Variants in CD163L1 observed in about 807,000 individuals in gnomAD.
CD163L1 encodes the protein CD163 molecule like 1, also known as scavenger receptor cysteine-rich type 1 protein M160.
In CD163L1, 124 loss-of-function variants were observed where a neutral mutation model predicts 165.4. That is an observed-to-expected ratio of 0.75 (90% confidence interval 0.65 to 0.87). The LOEUF is 0.87. Among genes scored for constraint, CD163L1 ranks in the 40% least tolerant of loss-of-function variants. The pLI is 0.00. For missense variants in CD163L1, 1,525 were observed against 1,799.9 expected (o/e 0.85, Z 2.76); for synonymous variants, 585 against 662.2 (o/e 0.88, Z 1.79).
chr12:7,439,785 C>T (rs1948789593), intron 2 of CD163L1: 1 of 1,613,862 alleles, frequency 6.2e-7, no homozygotes, highest in Non-Finnish European at 8.5e-7. Flanking sequence ...CCCCCTCGAT[C>T]TTTATGTCCA....
intron 4 of CD163L1, among the ~76,000 whole-genome samples, chr12:7,424,968 A>T (rs1948515245): frequency 6.6e-6 from 1 of 152,212 alleles, no homozygotes; most frequent in Non-Finnish European, 1.5e-5. Flanking sequence ...CTTTCTTTAC[A>T]GAACTAGAAA....
chr12:7,426,255 C>T (rs142926186), intron 4 of CD163L1, among the ~76,000 whole-genome samples: 177 of 152,056 alleles, frequency 1.2e-3, no homozygotes, highest in African/African-American at 3.6e-3. Context: ...AACAGATGAA[C>T]GCACAGAGGG....
At chr12:7,440,226 C>T (rs1024762127) in intron 2 of CD163L1, among the ~76,000 whole-genome samples, 3 of 152,082 alleles carry the variant, frequency 2.0e-5, no homozygotes, top group African/African-American at 7.2e-5. Context: ...GGCCGGCCCT[C>T]CGCGCAGGCA....
intron 4 of CD163L1, among the ~76,000 whole-genome samples, chr12:7,430,753 G>T (rs1948614379): frequency 6.6e-6 from 1 of 152,014 alleles, no homozygotes; most frequent in South Asian, 2.1e-4. Flanking sequence ...GATGTTAATG[G>T]ATAACCAAAT....
chr12:7,350,201 C>T (rs758562961), downstream of CD163L1, among the ~76,000 whole-genome samples: 2 of 152,274 alleles, frequency 1.3e-5, no homozygotes, highest in East Asian at 1.9e-4. Context: ...GTTCCAGAAG[C>T]TGGGTTGTAG....
intron 8 of CD163L1, among the ~76,000 whole-genome samples, chr12:7,389,217 C>T (rs1326506531): frequency 2.0e-5 from 3 of 152,218 alleles, no homozygotes. Context: ...TTTACATTCT[C>T]ACCAACAGTG....
chr12:7,427,374 T>C (rs754643388), intron 4 of CD163L1, among the ~76,000 whole-genome samples: 87 of 152,262 alleles, frequency 5.7e-4, no homozygotes, highest in Middle Eastern at 3.4e-3. Flanking sequence ...AGATATCCCA[T>C]GTTTATGGAT....
In CD163L1 at chr12:7,403,757, G is replaced by T. The variant is rs768276853; in HGVS notation, c.1186C>A (p.Gln396Lys). 1.2e-6 allele frequency: 2 copies of T among 1,613,804 alleles called. No individual in the cohort carries two copies. The highest frequency in any genetic ancestry group is 2.7e-5 in the African/African-American group (2 of 74,942). The change falls in exon 6 of 20, where the codon CAG (glutamine) becomes AAG (lysine). Residue 396 changes from glutamine (Q) to lysine (K), a missense_variant. By Grantham distance (53) the Gln-to-Lys change is moderately conservative. Coordinates refer to ENST00000313599, the MANE Select transcript of CD163L1 (RefSeq NM_174941.6). ...AGGGCTTGTTCATTCTTCCAGTTCT[G>T]GTCACATATTGTCCACCACTGTTCA... ...IHEQWWTICD[Q>K]NWKNEQALVV... is the part of the protein sequence containing the mutation.
At chr12:7,376,225 T>C (rs1472599474) in intron 9 of CD163L1, among the ~76,000 whole-genome samples, 1 of 152,168 alleles carries the variant, frequency 6.6e-6, no homozygotes, top group African/African-American at 2.4e-5. Flanking sequence ...GACCCACCAA[T>C]CCTAGATTTA....
intron 18 of CD163L1, among the ~76,000 whole-genome samples, chr12:7,359,257 G>A (rs1178284530): frequency 6.6e-6 from 1 of 151,720 alleles, no homozygotes; most frequent in Non-Finnish European, 1.5e-5. Context: ...AGAACACCAA[G>A]CAGAATAAAT....
Position 7,403,778 on chromosome 12 carries a change from G to C in CD163L1, c.1165C>G (p.Gln389Glu). Residue 389 changes from glutamine (Q) to glutamate (E), a missense_variant, in exon 6 of 20, where the codon CAG becomes GAG. Physicochemically the swap from Gln to Glu is conservative, Grantham distance 29. Coordinates refer to ENST00000313599, the MANE Select transcript of CD163L1 (RefSeq NM_174941.6). ...SGRVEVRIHE[Q>E]WWTICDQNWK... is the part of the protein sequence containing the mutation. ...TTCTGGTCACATATTGTCCACCACTGTTCATGAATTCTCACCTCTACTCTC... is the reference window on the plus strand; with the variant it reads ...TTCTGGTCACATATTGTCCACCACTCTTCATGAATTCTCACCTCTACTCTC... 1 of 1,613,732 alleles carries C rather than the reference G, an allele frequency of 6.2e-7. No individual in the cohort carries two copies. The highest frequency in any genetic ancestry group is 8.5e-7 in the Non-Finnish European group (1 of 1,179,920).
intron 7 of CD163L1, among the ~76,000 whole-genome samples, chr12:7,396,856 C>CAGAG (rs142053662): frequency 4.3e-5 from 5 of 116,890 alleles, no homozygotes. Flanking sequence ...CACACACACA[C>CAGAG]AGAGAGAGAG....
intron 8 of CD163L1, among the ~76,000 whole-genome samples, chr12:7,381,306 C>A (rs1407052228): frequency 2.0e-5 from 3 of 152,110 alleles, no homozygotes; most frequent in Admixed American, 6.5e-5. Flanking sequence ...GTCTAGAGGA[C>A]CTGGAAAGTC....
intron 9 of CD163L1, among the ~76,000 whole-genome samples, chr12:7,378,691 A>G (rs939622094): frequency 5.3e-5 from 8 of 152,144 alleles, no homozygotes; most frequent in African/African-American, 1.9e-4. Flanking sequence ...ATCTTTCCTT[A>G]ACTATCACTT....
rs1036944994 is a variant in CD163L1, at chr12:7,398,665, G to T, written c.1409-81C>A. ...GACTGAAAAGACTCTCTAAATTCAC[G>T]ACTATAAGGCTTTGCCTAACAGGTG... On this transcript the variant is annotated intron_variant, in intron 6 of 19. Transcript: ENST00000313599. The surrounding 1 kb of genome is among the most constrained non-coding windows in gnomAD (Gnocchi z 4.5). 4 of 1,257,860 alleles carry T rather than the reference G, an allele frequency of 3.2e-6. No homozygotes were observed. Among genetic ancestry groups the T allele is most frequent in the Non-Finnish European group, 3.3e-6 (3 of 918,916 alleles). The allele number at this position is 1,257,860 out of a possible 1,614,324, so 77.9% of individuals were successfully genotyped here. A position where few individuals can be genotyped will look rare whatever the true frequency, so the allele number is the denominator to read the frequency against.
Position 7,406,951 on chromosome 12 carries a change from T to C in CD163L1, c.767-99A>G, listed in dbSNP as rs745946781. On this transcript the variant is annotated intron_variant, in intron 4 of 19. Coordinates refer to ENST00000313599, the MANE Select transcript of CD163L1 (RefSeq NM_174941.6). ...CAAATAAACACAAATATATAATAAA[T>C]TGAGATTCAATGAATGTCTAACTCT... 4 of 1,095,888 alleles carry C rather than the reference T, an allele frequency of 3.7e-6. No individual in the cohort carries two copies. In the African/African-American group the frequency reaches 4.8e-5, roughly 13 times the overall value. 67.9% of individuals were successfully genotyped at this position (1,095,888 alleles called of 1,614,324 possible).
rs777994815 is a variant in CD163L1, at chr12:7,432,785, C to G, written c.446-49G>C. On this transcript the variant is annotated intron_variant, in intron 3 of 19. Coordinates refer to ENST00000313599, the MANE Select transcript of CD163L1 (RefSeq NM_174941.6). The surrounding 1 kb of genome is among the most constrained non-coding windows in gnomAD (Gnocchi z 4.2). ...ATGAAAAACTGATTCAACTTTGAGC[C>G]TGAAATAAAATCAAAAGGATACGTA... is the stretch of plus-strand genomic sequence containing the variant. 21 of 1,479,078 alleles carry G rather than the reference C, an allele frequency of 1.4e-5. No individual in the cohort carries two copies. The highest frequency in any genetic ancestry group is 1.9e-5 in the Non-Finnish European group (21 of 1,095,348). The allele number at this position is 1,479,078 out of a possible 1,614,324, so 91.6% of individuals were successfully genotyped here.
At chr12:7,391,933 A>G (rs887981139) in intron 8 of CD163L1, among the ~76,000 whole-genome samples, 5 of 152,216 alleles carry the variant, frequency 3.3e-5, no homozygotes, top group African/African-American at 2.4e-5. Context: ...GCAAGTCCTT[A>G]GAGACCTACA....
downstream of CD163L1, among the ~76,000 whole-genome samples, chr12:7,342,145 A>G (rs766024763): frequency 6.6e-6 from 1 of 152,332 alleles, no homozygotes; most frequent in African/African-American, 2.4e-5. Context: ...AACTGGCCCC[A>G]CAACTGGCCA....
Sources: gnomAD v4.1 joint callset for allele counts (sites outside exome capture counted in the v4.1 genomes callset) on GRCh38, gnomAD v4.1.1 for gene constraint, Gnocchi (gnomAD v3.1) non-coding constraint, MANE v1.5 for transcripts, NCBI Gene and HGNC (gene_info 2026-07-23, HGNC 2026-07-21) for gene names.